Variants in IDI1 observed in about 807,000 individuals in gnomAD.
The protein encoded by IDI1 is isopentenyl-diphosphate delta isomerase 1, also known as isopentenyl-diphosphate Delta-isomerase 1.
In IDI1, 23 loss-of-function variants were observed where a neutral mutation model predicts 32.9. That is an observed-to-expected ratio of 0.70 (90% CI 0.50 to 0.99). The LOEUF is 0.99. Among genes scored for constraint, IDI1 ranks in the 50% least tolerant of loss-of-function variants. The pLI is 0.00. For synonymous variants in IDI1, 133 were observed against 128.2 expected (o/e 1.04, Z -0.25); for missense variants, 326 against 351.9 (o/e 0.93, Z 0.59).
Position 1,044,846 on chromosome 10 carries a change from A to G in IDI1, c.141-675T>C, listed in dbSNP as rs1832753229. ...GAAGACTTAATTCGTTATATTCAATAGATGCTTTAAGGCAGTGCTTGGCAA... is the reference window on the plus strand; with the variant it reads ...GAAGACTTAATTCGTTATATTCAATGGATGCTTTAAGGCAGTGCTTGGCAA... On this transcript the variant is annotated intron_variant, in intron 1 of 4. Transcript: ENST00000381344. Among the ~76,000 whole-genome samples, 7 of 152,336 alleles carry G rather than the reference A, an allele frequency of 4.6e-5. No homozygotes were observed. The South Asian group carries it at 1.4e-3, about 32-fold the overall frequency.
upstream of IDI1, among the ~76,000 whole-genome samples, chr10:1,053,127 G>C (rs1833056840): frequency 6.6e-6 from 1 of 152,062 alleles, no homozygotes; most frequent in Non-Finnish European, 1.5e-5. Flanking sequence ...TTAGCCTCCT[G>C]AGTAGCTGGG....
At chr10:1,044,197 A>G in intron 1 of IDI1, 26 bp from the exon 2 acceptor site, 1 of 1,559,718 alleles carries the variant, frequency 6.4e-7, no homozygotes, top group Non-Finnish European at 8.8e-7. Context: ...AAGAGAAAGA[A>G]AGGCCATCAT....
upstream of IDI1, among the ~76,000 whole-genome samples, chr10:1,049,955 C>A (rs977763748): frequency 6.6e-6 from 1 of 152,164 alleles, no homozygotes; most frequent in African/African-American, 2.4e-5. Flanking sequence ...GCCTAGCCCT[C>A]TAAACTTTTA....
At chr10:1,041,526 AGTAATTAAAACATCGGCCACCGTAAC>A in intron 4 of IDI1, 22 bp from the exon 5 acceptor site, 3 of 1,287,618 alleles carry the variant, frequency 2.3e-6, no homozygotes, top group Non-Finnish European at 3.2e-6. Context: ...AAAAAAAAAA[AGTAATTAAAACATCGGCCACCGTAAC>A]AAAAAAAATC....
rs534043791 is a variant in IDI1 at position 1,048,858 on chromosome 10, C to G, written c.140+6G>C. On this transcript the variant is annotated splice_donor_region_variant and intron_variant, in intron 1 of 4. Transcript: ENST00000381344. ...TCTCCCGAACTCCGCCGCCCGTCCA[C>G]AGTACCTGATCAGCCTCCGGCCACA... The G allele has an allele frequency of 4.4e-6, 7 of 1,605,928 alleles. No individual in the cohort carries two copies. The South Asian group carries it at 6.6e-5, about 15-fold the overall frequency.
Position 1,043,981 on chromosome 10 carries a change from A to C in IDI1, c.313+18T>G, listed in dbSNP as rs1832711865. On this transcript the variant is annotated intron_variant, in intron 2 of 4. Transcript: ENST00000381344. ...CTACACAAATCGCTTTACAAGAAAG[A>C]CTGTTTCAAAGCAGCACCTTTCTCA... 3 of 1,602,890 alleles carry C rather than the reference A, an allele frequency of 1.9e-6. No homozygotes were observed. Among genetic ancestry groups the C allele is most frequent in the Non-Finnish European group, 2.6e-6 (3 of 1,174,360 alleles).
chr10:1,051,653 G>A (rs544830783), upstream of IDI1, among the ~76,000 whole-genome samples: 12 of 152,240 alleles, frequency 7.9e-5, no homozygotes, highest in East Asian at 1.3e-3. Context: ...CTGAATGGTC[G>A]AGATGATTAA....
intron 1 of IDI1, 27 bp downstream of exon 1, chr10:1,048,837 C>T: frequency 6.2e-7 from 1 of 1,601,238 alleles, no homozygotes; most frequent in Admixed American, 1.7e-5. Flanking sequence ...CCCCTGTCTC[C>T]CGAACTCCGC....
Position 1,044,152 on chromosome 10 carries a change from G to T in IDI1, c.160C>A (p.His54Asn). 1 of 1,613,282 alleles carries T rather than the reference G, an allele frequency of 6.2e-7. No homozygotes were observed. The highest frequency in any genetic ancestry group is 8.5e-7 in the Non-Finnish European group (1 of 1,179,332). ...RLISVLEQIR[H>N]FVMMPEINTN... Reference sequence around the variant, plus strand: ...TTTATTTCAGGCATCATTACAAAATGTCTGATCTGTTCTAGAACACTAATA... The same window carrying T: ...TTTATTTCAGGCATCATTACAAAATTTCTGATCTGTTCTAGAACACTAATA... The change falls in exon 2 of 5, where the codon CAT becomes AAT. Residue 54 changes from histidine (H) to asparagine (N), a missense_variant. Physicochemically the swap from His to Asn is moderately conservative, Grantham distance 68. Transcript: ENST00000381344.
At position 1,042,615 on chromosome 10, in the gene IDI1, G is replaced by A. The variant is rs759335243; in HGVS notation, c.537+17C>T. The A allele has an allele frequency of 7.4e-6, 12 of 1,612,918 alleles. No homozygotes were observed. The African/African-American group carries it at 1.6e-4, about 22-fold the overall frequency. On this transcript the variant is annotated intron_variant, in intron 4 of 4. Coordinates refer to ENST00000381344, the MANE Select transcript of IDI1 (RefSeq NM_004508.4). Reference sequence around the variant, plus strand: ...TTTAGGTTTCAGCTTGTATGGTTGTGTAGGAGAGCTGGTTACCTCTTCCAA... The same window carrying A: ...TTTAGGTTTCAGCTTGTATGGTTGTATAGGAGAGCTGGTTACCTCTTCCAA...
In IDI1 at chr10:1,040,938, A is replaced by G. The variant is rs1252999629; in HGVS notation, c.*249T>C. ...AATTAAGTTTTATTTGCTCGCTCTC[A>G]TTTTACAATAATCTCTCACAAATGT... On this transcript the variant is annotated 3_prime_UTR_variant, in exon 5 of 5. Coordinates refer to ENST00000381344, the MANE Select transcript of IDI1 (RefSeq NM_004508.4). 8.2e-6 allele frequency: 3 copies of G among 365,862 alleles called. No homozygotes were observed. Among genetic ancestry groups the G allele is most frequent in the South Asian group, 6.7e-5 (1 of 14,836 alleles). The allele number at this position is 365,862 out of a possible 1,614,324, so 22.7% of individuals were successfully genotyped here. A position where few individuals can be genotyped will look rare whatever the true frequency, so the allele number is the denominator to read the frequency against.
chr10:1,042,559 A>C, intron 4 of IDI1, 73 bp downstream of exon 4: 1 of 1,505,398 alleles, frequency 6.6e-7, no homozygotes, highest in East Asian at 2.3e-5. Context: ...TTTGAATTTA[A>C]AAATTTTATT....
chr10:1,050,676 A>G (rs1469529638), upstream of IDI1, among the ~76,000 whole-genome samples: 1 of 152,226 alleles, frequency 6.6e-6, no homozygotes, highest in African/African-American at 2.4e-5. Flanking sequence ...AGCCCTGGAC[A>G]GGACGCCATT....
chr10:1,048,353 T>C (rs1445731255), intron 1 of IDI1: 3 of 1,304,832 alleles, frequency 2.3e-6, no homozygotes, highest in Admixed American at 2.3e-5. Context: ...TCCTGCTCCA[T>C]TCCCAGGAGA....
chr10:1,042,972 A>C (rs747770013), intron 3 of IDI1, among the ~76,000 whole-genome samples: 1 of 151,450 alleles, frequency 6.6e-6, no homozygotes, highest in Non-Finnish European at 1.5e-5. Flanking sequence ...AATTGGTTAT[A>C]ATGGGCTATC....
At chr10:1,043,179 G>GCAGAA (rs1832669250) in intron 3 of IDI1, 122 bp downstream of exon 3, 2 of 651,608 alleles carry the variant, frequency 3.1e-6, no homozygotes, top group Admixed American at 5.6e-5. Context: ...CTCACTTTAT[G>GCAGAA]CAGAATATAA....
intron 1 of IDI1, among the ~76,000 whole-genome samples, chr10:1,045,151 C>G (rs1387937984): frequency 1.3e-5 from 2 of 152,258 alleles, no homozygotes; most frequent in Non-Finnish European, 1.5e-5. Flanking sequence ...CTTAGTGCAT[C>G]AAACATTAAT....
intron 1 of IDI1, among the ~76,000 whole-genome samples, chr10:1,047,683 C>T (rs886563223): frequency 7.2e-5 from 11 of 152,256 alleles, no homozygotes; most frequent in African/African-American, 1.2e-4. Flanking sequence ...TCTGCGTCAG[C>T]GCACTCTGCT....
intron 2 of IDI1, 160 bp from the exon 3 acceptor site, chr10:1,043,553 G>A: frequency 1.4e-6 from 1 of 702,738 alleles, no homozygotes. Flanking sequence ...TGGTGAGGAA[G>A]AGCTCTGCAC....
Sources: allele counts gnomAD v4.1 joint callset (sites outside exome capture counted in the v4.1 genomes callset), GRCh38; gene constraint gnomAD v4.1.1; transcripts MANE v1.5; gene names NCBI Gene and HGNC (gene_info 2026-07-23, HGNC 2026-07-21).